The following TEX14 variants were observed in gnomAD, a reference collection of about 807,000 sequenced individuals.
The protein encoded by TEX14 is inactive serine/threonine-protein kinase TEX14.
TEX14 carries 168 observed loss-of-function variants against 178.6 expected under a neutral mutation model. The ratio of observed to expected loss-of-function variants is 0.94; its 90% confidence interval spans 0.83 to 1.07. The LOEUF is 1.07. TEX14 is among the 50% of genes least tolerant of loss of function. The probability of loss-of-function intolerance (pLI) is 0.00; values close to 1 mark genes in which losing one functional copy is unlikely to be tolerated. For missense variants in TEX14, 1,730 were observed against 1,753.6 expected (o/e 0.99, Z 0.24); for synonymous variants, 626 against 634.1 (o/e 0.99, Z 0.19).
intron 20 of TEX14, among the ~76,000 whole-genome samples, chr17:58,578,239 A>G (rs1038862932): frequency 6.6e-6 from 1 of 152,152 alleles, no homozygotes; most frequent in African/African-American, 2.4e-5. Context: ...GTGGAGAGAC[A>G]TTGGGGGTTC....
intron 1 of TEX14, among the ~76,000 whole-genome samples, chr17:58,680,262 T>C (rs1177155587): frequency 1.3e-5 from 2 of 152,094 alleles, no homozygotes; most frequent in South Asian, 2.1e-4. Flanking sequence ...CTGAGTAAGT[T>C]TGAAAACATG....
At chr17:58,652,770 G>GTTC (rs2046866877) in intron 1 of TEX14, among the ~76,000 whole-genome samples, 1 of 152,194 alleles carries the variant, frequency 6.6e-6, no homozygotes. Flanking sequence ...CAGTCATTAT[G>GTTC]TAAAGCTAGA....
chr17:58,604,470 CA>C (rs907304775), intron 11 of TEX14, among the ~76,000 whole-genome samples: 1 of 148,486 alleles, frequency 6.7e-6, no homozygotes, highest in Non-Finnish European at 1.5e-5. Context: ...GACTCTGTCT[CA>C]AAAAAAATAA....
chr17:58,604,068 A>C (rs2045546165), intron 11 of TEX14, among the ~76,000 whole-genome samples: 1 of 152,020 alleles, frequency 6.6e-6, no homozygotes, highest in East Asian at 1.9e-4. Flanking sequence ...TAATGGACAC[A>C]GGGTGTGTTT....
chr17:58,604,052 T>C lies in TEX14; in HGVS notation c.1336+926A>G, dbSNP rs529792121. Among the ~76,000 whole-genome samples, 19 of 152,100 alleles carry C rather than the reference T, an allele frequency of 1.2e-4. No homozygotes were observed. In the South Asian group the frequency reaches 3.3e-3, roughly 27 times the overall value. On this transcript the variant is annotated intron_variant, in intron 11 of 31. Coordinates refer to ENST00000349033, the MANE Select transcript of TEX14 (RefSeq NM_031272.5). ...CATTTCTTTCAAGTGACACTGTTTA[T>C]ACATCTAATGGACACAGGGTGTGTT... is the stretch of plus-strand genomic sequence containing the variant.
intron 2 of TEX14, among the ~76,000 whole-genome samples, chr17:58,641,053 G>T (rs781192173): frequency 2.0e-4 from 30 of 152,110 alleles, no homozygotes; most frequent in Non-Finnish European, 7.4e-5. Flanking sequence ...AGAGGTTAGG[G>T]AAGGAGAGGG....
intron 3 of TEX14, among the ~76,000 whole-genome samples, chr17:58,627,000 A>G (rs1271276316): frequency 6.6e-6 from 1 of 152,160 alleles, no homozygotes; most frequent in Non-Finnish European, 1.5e-5. Context: ...GTCACATGAA[A>G]ATGTTCCCAA....
intron 2 of TEX14, among the ~76,000 whole-genome samples, chr17:58,642,084 T>C (rs779108775): frequency 2.8e-4 from 43 of 152,216 alleles, no homozygotes; most frequent in Non-Finnish European, 5.4e-4. Context: ...GAATGACTCA[T>C]CTTCCTGGCT....
At chr17:58,567,431 T>C (rs1447778400) in intron 26 of TEX14, among the ~76,000 whole-genome samples, 1 of 152,148 alleles carries the variant, frequency 6.6e-6, no homozygotes, top group Admixed American at 6.5e-5. Context: ...TAAGATCATT[T>C]AATATAATTT....
At chr17:58,666,941 T>A (rs1185664570) in intron 1 of TEX14, among the ~76,000 whole-genome samples, 2 of 152,180 alleles carry the variant, frequency 1.3e-5, no homozygotes, top group Non-Finnish European at 2.9e-5. Context: ...TAGGCCTGGC[T>A]GGTCAGAGAG....
At chr17:58,608,063 G>A (rs302851) in intron 10 of TEX14, among the ~76,000 whole-genome samples, 46,097 of 151,994 alleles carry the variant, frequency 0.3, 7,467 homozygotes, top group Middle Eastern at 0.48. Flanking sequence ...CGGGCAGATC[G>A]CATGAGTCCA....
chr17:58,664,443 A>C (rs186727525), intron 1 of TEX14, among the ~76,000 whole-genome samples: 83 of 152,340 alleles, frequency 5.4e-4, no homozygotes, highest in Admixed American at 5.4e-3. Context: ...GCTAATGATG[A>C]AAAACACCTG....
intron 2 of TEX14, among the ~76,000 whole-genome samples, chr17:58,649,960 G>A (rs1363401783): frequency 4.0e-5 from 6 of 151,828 alleles, no homozygotes. Flanking sequence ...GGCTGGTCTC[G>A]AACTCCTGAC....
Position 58,669,180 on chromosome 17 carries a change from C to G in TEX14, c.-1-17178G>C, listed in dbSNP as rs9915590. ...CAGCCTGGCCAACATGGTGAAACCC[C>G]ATCTCTACTAAAAATACAAAAATTA... is the stretch of plus-strand genomic sequence containing the variant. On this transcript the variant is annotated intron_variant, in intron 1 of 31. Transcript: ENST00000349033. Among the ~76,000 whole-genome samples, 183 of 152,036 alleles carry G rather than the reference C, an allele frequency of 1.2e-3. 1 individual carries two copies. The highest frequency in any genetic ancestry group is 4.3e-3 in the African/African-American group (180 of 41,470).
chr17:58,598,773 G>T, intron 14 of TEX14, 103 bp downstream of exon 14: 1 of 1,126,098 alleles, frequency 8.9e-7, no homozygotes, highest in South Asian at 1.5e-5. Context: ...ATCTCTGACT[G>T]ATCCCCAGTG....
chr17:58,607,315 C>T (rs892722648), intron 10 of TEX14, among the ~76,000 whole-genome samples: 2 of 152,152 alleles, frequency 1.3e-5, no homozygotes, highest in African/African-American at 2.4e-5. Context: ...CATTCACAGA[C>T]CCTTGGTTAC....
chr17:58,596,383 G>A (rs1567725140), intron 14 of TEX14, among the ~76,000 whole-genome samples: 1 of 152,044 alleles, frequency 6.6e-6, no homozygotes, highest in East Asian at 1.9e-4. Context: ...CTGAGCTCAG[G>A]TGATCCTCCC....
chr17:58,608,950 TGG>T (rs773752578), intron 10 of TEX14, among the ~76,000 whole-genome samples: 1 of 152,226 alleles, frequency 6.6e-6, no homozygotes, highest in Non-Finnish European at 1.5e-5. Context: ...AAAATGGGTC[TGG>T]ACTTAATCTT....
intron 1 of TEX14, chr17:58,679,783 T>A (rs1345732662): frequency 6.6e-6 from 1 of 152,138 alleles, no homozygotes; most frequent in Non-Finnish European, 1.5e-5. Flanking sequence ...ACCCCCTAAT[T>A]TCTGGAATAA....
Sources: allele counts gnomAD v4.1 joint callset (sites outside exome capture counted in the v4.1 genomes callset), GRCh38; gene constraint gnomAD v4.1.1; transcripts MANE v1.5; gene names NCBI Gene and HGNC (gene_info 2026-07-23, HGNC 2026-07-21).